Variants in FOXK2 observed in about 807,000 individuals in gnomAD.
FOXK2 encodes forkhead box K2.
FOXK2 carries 24 observed loss-of-function variants against 53.3 expected under a neutral mutation model. The ratio of observed to expected loss-of-function variants is 0.45; its 90% CI spans 0.33 to 0.63. The LOEUF (loss-of-function observed/expected upper bound fraction) is 0.63. Ranked by LOEUF, FOXK2 falls within the 30% of genes least tolerant of loss-of-function variation. The probability of loss-of-function intolerance (pLI) is 0.03; values close to 1 mark genes in which losing one functional copy is unlikely to be tolerated. For synonymous variants in FOXK2, 505 were observed against 407.1 expected, an observed-to-expected ratio of 1.24 and a Z score of -2.89; for missense variants, 952 against 910.5, an observed-to-expected ratio of 1.05 and a Z score of -0.59.
At chr17:82,560,149 G>A (rs1383644151) in intron 1 of FOXK2, among the ~76,000 whole-genome samples, 4 of 151,832 alleles carry the variant, frequency 2.6e-5, no homozygotes, top group Admixed American at 6.6e-5. Context: ...GGGATTACAC[G>A]TGTGTGCCAC....
chr17:82,562,365 G>A (rs1402802944), intron 1 of FOXK2, among the ~76,000 whole-genome samples: 3 of 152,226 alleles, frequency 2.0e-5, no homozygotes, highest in African/African-American at 7.2e-5. Flanking sequence ...CGGATCACGT[G>A]AGGTCGCGAG....
chr17:82,587,549 G>T (rs1204347369), intron 8 of FOXK2: 2 of 461,356 alleles, frequency 4.3e-6, no homozygotes, highest in African/African-American at 2.0e-5. Context: ...CCTGGGTGTG[G>T]CCTGGAAGCG....
chr17:82,577,777 G>T (rs954528970), intron 4 of FOXK2, among the ~76,000 whole-genome samples: 79 of 152,186 alleles, frequency 5.2e-4, no homozygotes, highest in African/African-American at 1.9e-3. Flanking sequence ...TTACTCTGTT[G>T]CCCAGGCTGG....
chr17:82,587,905 C>T (rs2045208886), intron 8 of FOXK2, among the ~76,000 whole-genome samples: 2 of 152,150 alleles, frequency 1.3e-5, no homozygotes, highest in African/African-American at 4.8e-5. Flanking sequence ...TGGGCTGTTG[C>T]CGGCTGTGTG....
At chr17:82,581,079 C>CTT (rs1283147643) in intron 4 of FOXK2, among the ~76,000 whole-genome samples, 1 of 152,222 alleles carries the variant, frequency 6.6e-6, no homozygotes, top group Non-Finnish European at 1.5e-5. Flanking sequence ...CAGGCTGAGG[C>CTT]TTGCAATTCT....
At chr17:82,589,307 C>T (rs185100004) in intron 8 of FOXK2, among the ~76,000 whole-genome samples, 71 of 152,332 alleles carry the variant, frequency 4.7e-4, no homozygotes, top group Middle Eastern at 6.8e-3. Context: ...CTGGTCTTTC[C>T]ATCTCACATT....
rs71168116 is a variant in FOXK2, at chr17:82,555,885, C to CAAAAA, written c.420-7442_420-7438dup. Among the ~76,000 whole-genome samples, 507 of 74,240 alleles carry CAAAAA rather than the reference C, an allele frequency of 6.8e-3. 5 individuals carry two copies. Among genetic ancestry groups the CAAAAA allele is most frequent in the African/African-American group, 9.7e-3 (182 of 18,694 alleles). The allele number at this position is 74,240 out of a possible 152,430, so 48.7% of individuals were successfully genotyped here. On this transcript the variant is annotated intron_variant, in intron 1 of 8. Coordinates refer to ENST00000335255, the MANE Select transcript of FOXK2 (RefSeq NM_004514.4). ...CCTGGGCGAAAGCAAGACTCTATCACAAAAAAAAAAAAAAAAAAAAAAAAA... is the reference window on the plus strand; with the variant it reads ...CCTGGGCGAAAGCAAGACTCTATCACAAAAAAAAAAAAAAAAAAAAAAAAAAAAAA...
Position 82,590,564 on chromosome 17 carries a change from G to A in FOXK2, c.1786+3292G>A, listed in dbSNP as rs370983033. ...GGGTTGTCTTTTTGTTGTGAAATTT[G>A]TAGTTCTTTATTCATATGTAGAGAT... On this transcript the variant is annotated intron_variant, in intron 8 of 8. Transcript: ENST00000335255. Among the ~76,000 whole-genome samples the A allele has an allele frequency of 2.3e-3, 350 of 152,152 alleles. 19 individuals carry two copies. In the South Asian group the frequency reaches 0.067, roughly 29 times the overall value.
At chr17:82,548,143 A>G (rs2044644474) in intron 1 of FOXK2, among the ~76,000 whole-genome samples, 1 of 152,214 alleles carries the variant, frequency 6.6e-6, no homozygotes, top group South Asian at 2.1e-4. Flanking sequence ...CTCTTGGCAG[A>G]TAACTACAAG....
At chr17:82,572,039 C>T (rs575517349) in intron 4 of FOXK2, 169 bp downstream of exon 4, 3 of 561,116 alleles carry the variant, frequency 5.3e-6, no homozygotes, top group African/African-American at 2.0e-5. Context: ...TGCTCTGCCT[C>T]ACCTTCTTTG....
At chr17:82,520,813 G>C (rs1250678915) in intron 1 of FOXK2, among the ~76,000 whole-genome samples, 1 of 152,176 alleles carries the variant, frequency 6.6e-6, no homozygotes, top group Non-Finnish European at 1.5e-5. Context: ...AAGCAGGAAG[G>C]ACTCCTTTTT....
At chr17:82,579,122 A>G (rs1197626631) in intron 4 of FOXK2, among the ~76,000 whole-genome samples, 1 of 152,196 alleles carries the variant, frequency 6.6e-6, no homozygotes, top group African/African-American at 2.4e-5. Flanking sequence ...CGTCCTTCTC[A>G]GGCAGTGGCT....
chr17:82,531,379 T>C (rs1030417458), intron 1 of FOXK2, among the ~76,000 whole-genome samples: 1 of 152,224 alleles, frequency 6.6e-6, no homozygotes, highest in African/African-American at 2.4e-5. Flanking sequence ...CCACTTTTTT[T>C]TGTTTTTGTT....
chr17:82,596,928 T>C (rs2045319407), intron 8 of FOXK2, among the ~76,000 whole-genome samples: 1 of 152,120 alleles, frequency 6.6e-6, no homozygotes, highest in Admixed American at 6.6e-5. Flanking sequence ...CAAGTTACAG[T>C]CCCCGGGTTG....
intron 4 of FOXK2, among the ~76,000 whole-genome samples, chr17:82,572,421 C>G (rs943888373): frequency 6.6e-6 from 1 of 152,150 alleles, no homozygotes; most frequent in East Asian, 1.9e-4. Context: ...CGTGGAACCC[C>G]GGGGCTACCC....
chr17:82,522,301 T>G (rs2044371203), intron 1 of FOXK2, among the ~76,000 whole-genome samples: 2 of 151,922 alleles, frequency 1.3e-5, no homozygotes, highest in Admixed American at 6.6e-5. Context: ...CAGGCTGGGA[T>G]TACAGGTGTG....
chr17:82,563,455 C>T lies in FOXK2; in HGVS notation c.521C>T (p.Ala174Val), dbSNP rs764910135. The T allele has an allele frequency of 1.2e-5, 19 of 1,614,024 alleles. No individual in the cohort carries two copies. Among genetic ancestry groups the T allele is most frequent in the Non-Finnish European group, 1.6e-5 (19 of 1,180,034 alleles). ...GAGGCGTCTGAGTCTCCAGTGAAGG[C>T]CGTACAGCCACACATCTCGCCCCTG... ...KQEASESPVK[A>V]VQPHISPLTI... The change falls in exon 2 of 9, where the codon GCC (alanine) becomes GTC (valine). Residue 174 changes from alanine (A) to valine (V), a missense_variant. By Grantham distance (64) the Ala-to-Val change is moderately conservative. Coordinates refer to ENST00000335255, the MANE Select transcript of FOXK2 (RefSeq NM_004514.4).
intron 1 of FOXK2, among the ~76,000 whole-genome samples, chr17:82,541,974 C>T (rs556727412): frequency 3.3e-5 from 5 of 150,930 alleles, no homozygotes; most frequent in South Asian, 2.1e-4. Context: ...TCCACCTTCC[C>T]GGTTCAAGTG....
At chr17:82,587,922 C>A (rs1317224051) in intron 8 of FOXK2, among the ~76,000 whole-genome samples, 1 of 152,144 alleles carries the variant, frequency 6.6e-6, no homozygotes, top group Non-Finnish European at 1.5e-5. Context: ...TGTGGCTGAT[C>A]CTGGCGCTTG....
Sources: allele counts gnomAD v4.1 joint callset (sites outside exome capture counted in the v4.1 genomes callset), GRCh38; gene constraint gnomAD v4.1.1; transcripts MANE v1.5; gene names NCBI Gene and HGNC (gene_info 2026-07-23, HGNC 2026-07-21).